The following ATP2B4 variants were observed in gnomAD, a reference collection of about 807,000 sequenced individuals.
ATP2B4 encodes the protein plasma membrane calcium-transporting ATPase 4.
In ATP2B4, 39 loss-of-function variants were observed where a neutral mutation model predicts 110.3. That is an observed-to-expected ratio of 0.35 (90% CI 0.27 to 0.46). ATP2B4 has a LOEUF of 0.46. Ranked by LOEUF, ATP2B4 falls within the 20% of genes least tolerant of loss-of-function variation. The probability of loss-of-function intolerance (pLI) is 1.00; values close to 1 mark genes in which losing one functional copy is unlikely to be tolerated. For synonymous variants in ATP2B4, 538 were observed against 571.7 expected (o/e 0.94, Z 0.84); for missense variants, 1,135 against 1,530.9 (o/e 0.74, Z 4.32).
At chr1:203,679,501 T>G (rs1382410583) in intron 1 of ATP2B4, among the ~76,000 whole-genome samples, 2 of 152,226 alleles carry the variant, frequency 1.3e-5, no homozygotes, top group Non-Finnish European at 2.9e-5. Context: ...CAGCCCCATG[T>G]GTTCTAATCT....
At chr1:203,688,003 T>TATTATC (rs1491422569) in intron 2 of ATP2B4, among the ~76,000 whole-genome samples, 2 of 137,682 alleles carry the variant, frequency 1.5e-5, no homozygotes, top group East Asian at 2.0e-4. Flanking sequence ...AGATTATTAT[T>TATTATC]ATTATTATTA....
intron 20 of ATP2B4, chr1:203,729,701 C>T (rs752629534): frequency 6.7e-6 from 9 of 1,337,988 alleles, no homozygotes; most frequent in Non-Finnish European, 9.0e-6. Context: ...CCTGGGGACA[C>T]AGGTGCTTCC....
chr1:203,630,459 G>C (rs2102290758), intron 1 of ATP2B4, among the ~76,000 whole-genome samples: 1 of 147,808 alleles, frequency 6.8e-6, no homozygotes, highest in South Asian at 2.1e-4. Context: ...GAGCATTGCA[G>C]ACCCACTAAG....
chr1:203,627,144 C>T lies in ATP2B4; in HGVS notation c.-540C>T, dbSNP rs1663114635. ...CTGGGGAGACTGGTGGGTGGTCACCCCACCCTACCCTCATCCATGGAAACC... is the reference window on the plus strand; with the variant it reads ...CTGGGGAGACTGGTGGGTGGTCACCTCACCCTACCCTCATCCATGGAAACC... On this transcript the variant is annotated 5_prime_UTR_variant, in exon 1 of 21. Transcript: ENST00000357681. 1 of 152,244 alleles carries T rather than the reference C, an allele frequency of 6.6e-6. No individual in the cohort carries two copies. The highest frequency in any genetic ancestry group is 2.1e-4 in the South Asian group (1 of 4,836). 9.4% of individuals were successfully genotyped at this position (152,244 alleles called of 1,614,324 possible).
intron 1 of ATP2B4, among the ~76,000 whole-genome samples, chr1:203,677,354 C>CA (rs1280787395): frequency 3.3e-5 from 5 of 152,172 alleles, no homozygotes; most frequent in Non-Finnish European, 7.3e-5. Context: ...CTCCCAATCC[C>CA]ACATCCCTGT....
intron 1 of ATP2B4, among the ~76,000 whole-genome samples, chr1:203,671,404 C>G (rs1664656931): frequency 6.6e-6 from 1 of 152,136 alleles, no homozygotes; most frequent in African/African-American, 2.4e-5. Flanking sequence ...TCAAGCAATC[C>G]TCCCTCCTCA....
chr1:203,661,140 T>C (rs1664327017), intron 1 of ATP2B4, among the ~76,000 whole-genome samples: 1 of 150,358 alleles, frequency 6.7e-6, no homozygotes, highest in African/African-American at 2.4e-5. Flanking sequence ...CAAGGTCAAA[T>C]GGGTAGTGAT....
chr1:203,714,315 C>T, intron 15 of ATP2B4, 38 bp downstream of exon 15: 2 of 1,608,572 alleles, frequency 1.2e-6, no homozygotes, highest in Admixed American at 1.7e-5. Flanking sequence ...TGCAAGCTGC[C>T]TTCTCCATCA....
At chr1:203,738,101 C>A (rs960849634) in intron 20 of ATP2B4, among the ~76,000 whole-genome samples, 1 of 152,082 alleles carries the variant, frequency 6.6e-6, no homozygotes, top group African/African-American at 2.4e-5. Context: ...ACCCTACCCC[C>A]ACCTTCATCA....
At chr1:203,695,945 T>C in intron 2 of ATP2B4, among the ~76,000 whole-genome samples, 1 of 152,206 alleles carries the variant, frequency 6.6e-6, no homozygotes. Flanking sequence ...TGGGTTCTTT[T>C]TTGAGACAGA....
intron 20 of ATP2B4, chr1:203,728,329 C>G: frequency 2.7e-6 from 1 of 366,818 alleles, no homozygotes; most frequent in South Asian, 2.1e-5. Flanking sequence ...TCAATTGTAA[C>G]TACTTTCTCC....
At chr1:203,633,469 A>C (rs1011967789) in intron 1 of ATP2B4, among the ~76,000 whole-genome samples, 6 of 152,164 alleles carry the variant, frequency 3.9e-5, no homozygotes, top group Non-Finnish European at 5.9e-5. Flanking sequence ...CAAAAAATTA[A>C]AAAGTAAATG....
At chr1:203,696,318 G>A (rs1399200650) in intron 2 of ATP2B4, among the ~76,000 whole-genome samples, 2 of 152,176 alleles carry the variant, frequency 1.3e-5, no homozygotes, top group Non-Finnish European at 2.9e-5. Flanking sequence ...CAACAGAATA[G>A]CCCTTCACAT....
intron 1 of ATP2B4, among the ~76,000 whole-genome samples, chr1:203,664,866 C>T (rs1664453518): frequency 1.3e-5 from 2 of 152,192 alleles, no homozygotes; most frequent in South Asian, 2.1e-4. Flanking sequence ...GAGTCTCGCT[C>T]TGTCACCCAG....
At chr1:203,651,330 A>G (rs1035660983) in intron 1 of ATP2B4, among the ~76,000 whole-genome samples, 1 of 151,862 alleles carries the variant, frequency 6.6e-6, no homozygotes, top group Admixed American at 6.6e-5. Flanking sequence ...CATTTTCTTG[A>G]CTGGTTTATG....
chr1:203,674,305 ATCC>A (rs1042873128), intron 1 of ATP2B4, among the ~76,000 whole-genome samples: 1 of 152,072 alleles, frequency 6.6e-6, no homozygotes, highest in African/African-American at 2.4e-5. Flanking sequence ...CTGCTGTTTC[ATCC>A]TCTACATTTT....
intron 20 of ATP2B4, among the ~76,000 whole-genome samples, chr1:203,733,973 T>G (rs1365724045): frequency 6.6e-6 from 1 of 152,210 alleles, no homozygotes; most frequent in Non-Finnish European, 1.5e-5. Context: ...AATAGTCCAT[T>G]TGGCCACCAC....
intron 20 of ATP2B4, among the ~76,000 whole-genome samples, chr1:203,739,076 AC>A (rs886516515): frequency 2.0e-5 from 3 of 152,096 alleles, no homozygotes; most frequent in Admixed American, 6.5e-5. Context: ...AGATAACTAA[AC>A]CTCAATGCAT....
At position 203,741,628 on chromosome 1, in the gene ATP2B4, C is replaced by T. The variant is rs1161590039; in HGVS notation, c.*1774C>T. ...GACCTGATCCACCTAGCCTTTTCTT[C>T]TGGATCTGTCCTCCCTCACCCCTTT... On this transcript the variant is annotated 3_prime_UTR_variant, in exon 21 of 21. Transcript: ENST00000357681. 1 of 152,314 alleles carries T rather than the reference C, an allele frequency of 6.6e-6. No homozygotes were observed. The highest frequency in any genetic ancestry group is 1.5e-5 in the Non-Finnish European group (1 of 68,052). 9.4% of individuals were successfully genotyped at this position (152,314 alleles called of 1,614,324 possible).
Sources: allele counts gnomAD v4.1 joint callset (sites outside exome capture counted in the v4.1 genomes callset), GRCh38; gene constraint gnomAD v4.1.1; transcripts MANE v1.5; gene names NCBI Gene and HGNC (gene_info 2026-07-23, HGNC 2026-07-21).